The following LHFPL3 variants were observed in gnomAD, a reference collection of about 807,000 sequenced individuals.
LHFPL3 encodes LHFPL tetraspan subfamily member 3 protein.
Under a neutral mutation model 19.3 loss-of-function variants are expected in LHFPL3, and 5 were observed. The observed-to-expected ratio is 0.26, with a 90% confidence interval of 0.14 to 0.54. The LOEUF is 0.54. Among genes scored for constraint, LHFPL3 ranks in the 20% least tolerant of loss-of-function variants. The pLI is 0.94. For missense variants in LHFPL3, 249 were observed against 307.4 expected, an observed-to-expected ratio of 0.81 and a Z score of 1.42; for synonymous variants, 133 against 126.2, an observed-to-expected ratio of 1.05 and a Z score of -0.36.
intron 2 of LHFPL3, among the ~76,000 whole-genome samples, chr7:104,788,268 C>T (rs75167602): frequency 0.013 from 2,001 of 152,274 alleles, 23 homozygotes; most frequent in Non-Finnish European, 0.022. Flanking sequence ...TAGTAGGAAG[C>T]TCAGCACACG....
At chr7:104,854,034 G>A (rs1772703339) in intron 2 of LHFPL3, among the ~76,000 whole-genome samples, 1 of 152,160 alleles carries the variant, frequency 6.6e-6, no homozygotes, top group African/African-American at 2.4e-5. Flanking sequence ...ACCCTTTTGA[G>A]TTCTTAGCTA....
intron 1 of LHFPL3, among the ~76,000 whole-genome samples, chr7:104,393,216 C>G (rs931397369): frequency 6.6e-6 from 1 of 152,000 alleles, no homozygotes; most frequent in South Asian, 2.1e-4. Flanking sequence ...CCTTGCTGGT[C>G]GTAATGTAAG....
chr7:104,414,814 A>T (rs1430566156), intron 1 of LHFPL3, among the ~76,000 whole-genome samples: 1 of 152,216 alleles, frequency 6.6e-6, no homozygotes, highest in Non-Finnish European at 1.5e-5. Flanking sequence ...TTACTGACTG[A>T]AAAAGAACTT....
chr7:104,627,220 C>T lies in LHFPL3; in HGVS notation c.446-109455C>T, dbSNP rs78421354. ...GATTCCACATATAATTACAATCATG[C>T]GGTATTTGACTTTCTGTGCCTGGCT... On this transcript the variant is annotated intron_variant, in intron 1 of 2. Transcript: ENST00000424859. 8.8e-3 allele frequency among the ~76,000 whole-genome samples: 1,338 copies of T among 152,138 alleles called. 18 individuals carry two copies. The highest frequency in any genetic ancestry group is 0.031 in the African/African-American group (1,267 of 41,522).
At chr7:104,687,749 G>A (rs1792833062) in intron 1 of LHFPL3, among the ~76,000 whole-genome samples, 1 of 152,214 alleles carries the variant, frequency 6.6e-6, no homozygotes, top group Non-Finnish European at 1.5e-5. Flanking sequence ...ACAGGCACCA[G>A]TATTGATAGG....
At chr7:104,521,659 C>T (rs908453765) in intron 1 of LHFPL3, among the ~76,000 whole-genome samples, 3 of 152,060 alleles carry the variant, frequency 2.0e-5, no homozygotes, top group Admixed American at 6.6e-5. Context: ...GGCTAATATC[C>T]AGAATCTACA....
intron 1 of LHFPL3, among the ~76,000 whole-genome samples, chr7:104,550,144 T>G (rs1794641142): frequency 6.6e-6 from 1 of 152,104 alleles, no homozygotes. Flanking sequence ...AGGTCAGTCT[T>G]TGTTCTACTA....
At chr7:104,411,555 G>C (rs1296413507) in intron 1 of LHFPL3, among the ~76,000 whole-genome samples, 3 of 152,080 alleles carry the variant, frequency 2.0e-5, no homozygotes, top group African/African-American at 4.8e-5. Context: ...ACCCATCATA[G>C]ATCTGATTAA....
intron 1 of LHFPL3, among the ~76,000 whole-genome samples, chr7:104,436,905 A>T (rs902660295): frequency 2.0e-4 from 31 of 152,354 alleles, no homozygotes; most frequent in African/African-American, 7.5e-4. Context: ...GCTTTTAAAA[A>T]GTTTGAGACT....
intron 1 of LHFPL3, among the ~76,000 whole-genome samples, chr7:104,588,109 T>A (rs1790622561): frequency 6.6e-6 from 1 of 152,242 alleles, no homozygotes; most frequent in Admixed American, 6.5e-5. Flanking sequence ...GTGCAAAAGC[T>A]CTTTAGTTTA....
chr7:104,576,199 A>G lies in LHFPL3; in HGVS notation c.446-160476A>G, dbSNP rs115111011. ...GAAAAAAGAATAGTTTAAAAGATCT[A>G]TGGACTCAGGAAAACCAGGAGACCA... On this transcript the variant is annotated intron_variant, in intron 1 of 2. Transcript: ENST00000424859. Among the ~76,000 whole-genome samples the G allele has an allele frequency of 9.3e-3, 1,423 of 152,332 alleles. 21 individuals carry two copies. Among genetic ancestry groups the G allele is most frequent in the African/African-American group, 0.032 (1,346 of 41,572 alleles).
intron 1 of LHFPL3, among the ~76,000 whole-genome samples, chr7:104,479,556 T>C (rs540565774): frequency 1.3e-5 from 2 of 152,146 alleles, no homozygotes; most frequent in Non-Finnish European, 2.9e-5. Flanking sequence ...CATGCCTGGC[T>C]AATTTTTGTA....
At chr7:104,827,838 A>G (rs1790855577) in intron 2 of LHFPL3, among the ~76,000 whole-genome samples, 1 of 151,920 alleles carries the variant, frequency 6.6e-6, no homozygotes. Flanking sequence ...GACCTGTGCC[A>G]TCTCTGGATC....
intron 2 of LHFPL3, among the ~76,000 whole-genome samples, chr7:104,790,143 C>T (rs1024494393): frequency 6.6e-6 from 1 of 152,188 alleles, no homozygotes; most frequent in African/African-American, 2.4e-5. Flanking sequence ...GCACTCTAGC[C>T]TAGCTACCTG....
intron 1 of LHFPL3, among the ~76,000 whole-genome samples, chr7:104,334,087 T>G (rs113449134): frequency 6.6e-5 from 10 of 152,340 alleles, no homozygotes; most frequent in African/African-American, 2.2e-4. Flanking sequence ...CTGTGAGTGT[T>G]GGGTATGGTT....
intron 2 of LHFPL3, 139 bp downstream of exon 2, chr7:104,737,050 C>T (rs1406373806): frequency 3.2e-6 from 2 of 632,446 alleles, no homozygotes; most frequent in Non-Finnish European, 5.5e-6. Flanking sequence ...AGCTTGCAGA[C>T]TTTACCCCAG....
At chr7:104,607,187 G>C (rs969869114) in intron 1 of LHFPL3, among the ~76,000 whole-genome samples, 1 of 152,182 alleles carries the variant, frequency 6.6e-6, no homozygotes, top group African/African-American at 2.4e-5. Flanking sequence ...TATCATCCTT[G>C]CTTTGAGGTT....
At chr7:104,417,851 TTTCTAATTC>T (rs1562890909) in intron 1 of LHFPL3, among the ~76,000 whole-genome samples, 7 of 148,996 alleles carry the variant, frequency 4.7e-5, no homozygotes, top group East Asian at 2.6e-4. Context: ...CGTATTTTCT[TTTCTAATTC>T]TTCTTCTTCT....
At chr7:104,892,972 G>A (rs1458714432) in intron 2 of LHFPL3, among the ~76,000 whole-genome samples, 2 of 151,986 alleles carry the variant, frequency 1.3e-5, no homozygotes, top group African/African-American at 4.8e-5. Context: ...ATCCCACGCT[G>A]AAGCAGGAGG....
Sources: allele counts gnomAD v4.1 joint callset (sites outside exome capture counted in the v4.1 genomes callset), GRCh38; gene constraint gnomAD v4.1.1; transcripts MANE v1.5; gene names NCBI Gene and HGNC (gene_info 2026-07-23, HGNC 2026-07-21).